Variants in PKM observed in about 807,000 individuals in gnomAD.
PKM encodes the protein pyruvate kinase M1/2, also known as pyruvate kinase PKM.
In PKM, 18 loss-of-function variants were observed where a neutral mutation model predicts 49.8. The ratio of observed to expected loss-of-function variants is 0.36; its 90% CI spans 0.25 to 0.54. PKM has a LOEUF of 0.54. Among genes scored for constraint, PKM ranks in the 20% least tolerant of loss-of-function variants. PKM has a pLI of 0.89. For synonymous variants in PKM, 239 were observed against 261.8 expected, an observed-to-expected ratio of 0.91 and a Z score of 0.84; for missense variants, 508 against 713.8, an observed-to-expected ratio of 0.71 and a Z score of 3.28.
chr15:72,221,323 G>C (rs2082516432), intron 1 of PKM: 2 of 1,261,640 alleles, frequency 1.6e-6, no homozygotes, highest in East Asian at 5.1e-5. Flanking sequence ...TGTAACTAAA[G>C]CTCTTTGGGG....
At chr15:72,209,413 ATATATATATATATATATATATATATATG>A (rs1410496662) in intron 5 of PKM, 2 of 24,912 alleles carry the variant, frequency 8.0e-5, no homozygotes, top group East Asian at 1.4e-3. Flanking sequence ...ATATATATAT[ATATATATATATATATATATATATATATG>A]TATATATATA....
At chr15:72,207,035 A>T in intron 7 of PKM, 92 bp downstream of exon 7, 1 of 1,543,632 alleles carries the variant, frequency 6.5e-7, no homozygotes, top group Non-Finnish European at 9.0e-7. Flanking sequence ...ACGTGCGACA[A>T]TTCCATGGGA....
intron 1 of PKM, among the ~76,000 whole-genome samples, chr15:72,229,002 T>C (rs1421203724): frequency 6.6e-6 from 1 of 152,202 alleles, no homozygotes; most frequent in African/African-American, 2.4e-5. Context: ...CCAAAAAGCA[T>C]CTGCTCCAAG....
chr15:72,199,937 A>G (rs2081897887), intron 10 of PKM, among the ~76,000 whole-genome samples, 181 bp from the exon 11 acceptor site: 1 of 152,036 alleles, frequency 6.6e-6, no homozygotes, highest in Non-Finnish European at 1.5e-5. Context: ...TGTCCTTATC[A>G]CTCAGATGGC....
chr15:72,200,261 C>G lies in PKM; in HGVS notation c.1489+213G>C, dbSNP rs907115008. On this transcript the variant is annotated intron_variant, in intron 10 of 10. Coordinates refer to ENST00000335181, the MANE Select transcript of PKM (RefSeq NM_002654.6). This position sits in a 1 kb window ranked among gnomAD's most constrained non-coding sequence, Gnocchi z 4.6. ...TGCTCAGCCCTACAACTCAAAGGACCCTTTTCCCTCCTGGCTCAGCTTAGG... is the reference window on the plus strand; with the variant it reads ...TGCTCAGCCCTACAACTCAAAGGACGCTTTTCCCTCCTGGCTCAGCTTAGG... 1.3e-5 allele frequency among the ~76,000 whole-genome samples: 2 copies of G among 152,198 alleles called. No individual in the cohort carries two copies. The highest frequency in any genetic ancestry group is 4.8e-5 in the African/African-American group (2 of 41,436).
At position 72,202,424 on chromosome 15, in the gene PKM, G is replaced by C. The variant is rs781015995; in HGVS notation, c.1307+30C>G. 4 of 1,602,672 alleles carry C rather than the reference G, an allele frequency of 2.5e-6. No individual in the cohort carries two copies. Among genetic ancestry groups the C allele is most frequent in the Non-Finnish European group, 3.4e-6 (4 of 1,174,426 alleles). On this transcript the variant is annotated intron_variant, in intron 9 of 10. Transcript: ENST00000335181. The surrounding 1 kb of genome is among the most constrained non-coding windows in gnomAD (Gnocchi z 4.5). ...CCAAGGTGAGGTACCACTGAGCAGGGCATTCCAGGGAGCCGCTGCCGCCTC... is the reference window on the plus strand; with the variant it reads ...CCAAGGTGAGGTACCACTGAGCAGGCCATTCCAGGGAGCCGCTGCCGCCTC...
At chr15:72,206,256 G>A (rs916064845) in intron 8 of PKM, 3 of 180,354 alleles carry the variant, frequency 1.7e-5, no homozygotes, top group Admixed American at 5.4e-5. Context: ...GGGAGCGCCT[G>A]TCTGCAGGAT....
intron 1 of PKM, among the ~76,000 whole-genome samples, chr15:72,230,406 G>A (rs2082823456): frequency 1.3e-5 from 2 of 152,228 alleles, no homozygotes; most frequent in Admixed American, 6.5e-5. Flanking sequence ...GGGAGGCGGT[G>A]ATGGAAAAGG....
chr15:72,217,238 G>A (rs1042635673), intron 3 of PKM, among the ~76,000 whole-genome samples, 171 bp downstream of exon 3: 1 of 152,216 alleles, frequency 6.6e-6, no homozygotes, highest in Non-Finnish European at 1.5e-5. Flanking sequence ...CAGTTGCTTT[G>A]TCAGGACAAG....
intron 8 of PKM, chr15:72,203,027 A>G (rs776928799): frequency 6.2e-7 from 1 of 1,614,152 alleles, no homozygotes; most frequent in African/African-American, 1.3e-5. Context: ...CCTACCTGCC[A>G]GACTCCGTCA....
At chr15:72,212,304 G>T (rs920784686) in intron 3 of PKM, among the ~76,000 whole-genome samples, 2 of 151,940 alleles carry the variant, frequency 1.3e-5, no homozygotes, top group Non-Finnish European at 2.9e-5. Flanking sequence ...GTGAAACCTC[G>T]TCTCAACTTA....
At chr15:72,223,105 C>A (rs575802852) in intron 1 of PKM, among the ~76,000 whole-genome samples, 2 of 150,308 alleles carry the variant, frequency 1.3e-5, no homozygotes, top group African/African-American at 4.9e-5. Context: ...TTATAGCTCA[C>A]TGCACCCTCA....
chr15:72,221,440 A>G (rs776420229), intron 1 of PKM, among the ~76,000 whole-genome samples: 1 of 152,098 alleles, frequency 6.6e-6, no homozygotes, highest in Non-Finnish European at 1.5e-5. Flanking sequence ...CCACTATTCT[A>G]TACAAGAACC....
Position 72,199,632 on chromosome 15 carries a change from G to A in PKM, c.*18C>T, listed in dbSNP as rs1220239119. The A allele has an allele frequency of 5.7e-6, 9 of 1,567,040 alleles. No individual in the cohort carries two copies. Among genetic ancestry groups the A allele is most frequent in the Non-Finnish European group, 7.9e-6 (9 of 1,137,772 alleles). On this transcript the variant is annotated 3_prime_UTR_variant, in exon 11 of 11. Coordinates refer to ENST00000335181, the MANE Select transcript of PKM (RefSeq NM_002654.6). The stretch of plus-strand genomic sequence containing the variant: ...GAAGGGGGTGGGACAGGGGCTGGAG[G>A]AGGGGCTCTGGGGTCCATCACGGCA...
chr15:72,223,023 CTTT>C (rs755504486), intron 1 of PKM, among the ~76,000 whole-genome samples: 1 of 132,104 alleles, frequency 7.6e-6, no homozygotes. Flanking sequence ...TTTTTTTTTT[CTTT>C]TTTTTTTTTT....
intron 3 of PKM, among the ~76,000 whole-genome samples, chr15:72,216,467 T>G (rs911721009): frequency 2.6e-5 from 4 of 151,942 alleles, no homozygotes; most frequent in Non-Finnish European, 4.4e-5. Flanking sequence ...CCAAAAAAAT[T>G]TTTAAATTAG....
intron 2 of PKM, 120 bp downstream of exon 2, chr15:72,218,824 G>C (rs763916093): frequency 1.1e-5 from 11 of 1,005,212 alleles, no homozygotes; most frequent in South Asian, 6.8e-5. Flanking sequence ...CCTTTCATAA[G>C]AATCTGTGTA....
chr15:72,214,556 G>C (rs1171567130), intron 3 of PKM, among the ~76,000 whole-genome samples: 2 of 151,836 alleles, frequency 1.3e-5, no homozygotes, highest in Middle Eastern at 3.2e-3. Context: ...AGCAATTTGG[G>C]AGGCCAAGGC....
chr15:72,199,538 C>G lies in PKM; in HGVS notation c.*112G>C, dbSNP rs1192082200. 1 of 773,178 alleles carries G rather than the reference C, an allele frequency of 1.3e-6. No individual in the cohort carries two copies. Among genetic ancestry groups the G allele is most frequent in the African/African-American group, 1.7e-5 (1 of 58,724 alleles). The allele number at this position is 773,178 out of a possible 1,614,324, so 47.9% of individuals were successfully genotyped here. On this transcript the variant is annotated 3_prime_UTR_variant, in exon 11 of 11. Transcript: ENST00000335181. The stretch of plus-strand genomic sequence containing the variant: ...TTGATCTTCTTCCCTGGTGTCCCAA[C>G]CTACCAGTGCCACGTTACAGCCCAG...
Sources: allele counts gnomAD v4.1 joint callset (sites outside exome capture counted in the v4.1 genomes callset), GRCh38; gene constraint gnomAD v4.1.1; non-coding constraint Gnocchi (gnomAD v3.1); transcripts MANE v1.5; gene names NCBI Gene and HGNC (gene_info 2026-07-23, HGNC 2026-07-21).